Variants in ELF2 observed in about 807,000 individuals in gnomAD.
ELF2 encodes E74 like ETS transcription factor 2.
Under a neutral mutation model 54.8 loss-of-function variants are expected in ELF2, and 11 were observed. The ratio of observed to expected loss-of-function variants is 0.20; its 90% confidence interval spans 0.13 to 0.33. ELF2 has a LOEUF of 0.33. Among genes scored for constraint, ELF2 ranks in the 10% least tolerant of loss-of-function variants. The pLI is 1.00. For missense variants in ELF2, 513 were observed against 703.0 expected (o/e 0.73, Z 3.06); for synonymous variants, 203 against 245.1 (o/e 0.83, Z 1.61).
rs1727345834 is a variant in ELF2 at position 139,058,498 on chromosome 4, A to G, written c.*485T>C. The stretch of plus-strand genomic sequence containing the variant: ...TTTTGGGATCCATTCTTCAATTCAC[A>G]TTCTAAAATACCTATATTAGCAGAG... On this transcript the variant is annotated 3_prime_UTR_variant, in exon 10 of 10. Coordinates refer to ENST00000686138, the MANE Select transcript of ELF2 (RefSeq NM_001331036.3). 2 of 151,796 alleles carry G rather than the reference A, an allele frequency of 1.3e-5. No homozygotes were observed. The highest frequency in any genetic ancestry group is 6.6e-5 in the Admixed American group (1 of 15,174). The allele number at this position is 151,796 out of a possible 1,614,324, so 9.4% of individuals were successfully genotyped here. A position where few individuals can be genotyped will look rare whatever the true frequency, so the allele number is the denominator to read the frequency against.
chr4:139,081,083 T>A (rs1731047572), intron 4 of ELF2, among the ~76,000 whole-genome samples: 1 of 152,106 alleles, frequency 6.6e-6, no homozygotes, highest in Non-Finnish European at 1.5e-5. Context: ...CTAAAGATGT[T>A]AAGTCACTAG....
intron 4 of ELF2, among the ~76,000 whole-genome samples, chr4:139,123,479 G>C (rs954238782): frequency 2.0e-5 from 3 of 152,036 alleles, no homozygotes; most frequent in Non-Finnish European, 2.9e-5. Flanking sequence ...AATCCCTTAA[G>C]TAGATTACAT....
intron 1 of ELF2, among the ~76,000 whole-genome samples, chr4:139,167,830 A>C (rs1578982297): frequency 6.6e-6 from 1 of 152,348 alleles, no homozygotes; most frequent in East Asian, 1.9e-4. Flanking sequence ...ACTGCAAACC[A>C]GGATGAGAAG....
At chr4:139,135,628 G>A (rs1738073063) in intron 3 of ELF2, among the ~76,000 whole-genome samples, 1 of 152,088 alleles carries the variant, frequency 6.6e-6, no homozygotes, top group Non-Finnish European at 1.5e-5. Flanking sequence ...ATAGTTAAGT[G>A]GTGAATTAAT....
intron 4 of ELF2, among the ~76,000 whole-genome samples, chr4:139,104,995 G>GTGTT (rs1734275653): frequency 6.6e-6 from 1 of 152,152 alleles, no homozygotes; most frequent in Non-Finnish European, 1.5e-5. Context: ...TAGAAAGCAT[G>GTGTT]TGTTATTCAA....
intron 1 of ELF2, among the ~76,000 whole-genome samples, chr4:139,154,264 G>T (rs1311306993): frequency 6.6e-6 from 1 of 151,874 alleles, no homozygotes; most frequent in Non-Finnish European, 1.5e-5. Flanking sequence ...CCTGATGTTG[G>T]GCAGTTACTT....
intron 1 of ELF2, among the ~76,000 whole-genome samples, chr4:139,159,498 G>A (rs1348702790): frequency 1.3e-5 from 2 of 152,198 alleles, no homozygotes; most frequent in Non-Finnish European, 2.9e-5. Context: ...GTGGCCAGAT[G>A]AGAAGGAGAA....
At position 139,160,010 on chromosome 4, in the gene ELF2, G is replaced by A. The variant is rs530233879; in HGVS notation, c.-252+16957C>T. Among the ~76,000 whole-genome samples the A allele has an allele frequency of 5.9e-5, 9 of 152,298 alleles. No homozygotes were observed. The East Asian group carries it at 1.4e-3, about 23-fold the overall frequency. On this transcript the variant is annotated intron_variant, in intron 1 of 9. Transcript: ENST00000686138. Reference sequence around the variant, plus strand: ...GAGAGGTAGTGGAGGGGGGCGGAGCGGTAGCCTCAATGATAGATGTGGAAG... The same window carrying A: ...GAGAGGTAGTGGAGGGGGGCGGAGCAGTAGCCTCAATGATAGATGTGGAAG...
chr4:139,072,165 T>C, intron 5 of ELF2, 126 bp from the exon 6 acceptor site: 1 of 866,376 alleles, frequency 1.2e-6, no homozygotes, highest in South Asian at 1.8e-5. Flanking sequence ...AGCTTAATAC[T>C]GAAGAAGTTA....
intron 4 of ELF2, among the ~76,000 whole-genome samples, chr4:139,085,551 A>G (rs563026027): frequency 5.9e-5 from 9 of 152,340 alleles, no homozygotes; most frequent in African/African-American, 2.2e-4. Context: ...ATGGATTTAC[A>G]TAGCCCATGA....
intron 1 of ELF2, among the ~76,000 whole-genome samples, chr4:139,143,579 G>A (rs1431596977): frequency 1.3e-5 from 2 of 152,144 alleles, no homozygotes; most frequent in African/African-American, 2.4e-5. Flanking sequence ...GAGGTTAGGA[G>A]TTCAAGGCCA....
Position 139,072,286 on chromosome 4 carries a change from TCACTC to T in ELF2, c.353-252_353-248del. On this transcript the variant is annotated intron_variant, in intron 5 of 9. Transcript: ENST00000686138. The stretch of plus-strand genomic sequence containing the variant: ...TGGGTAAGGCAAGGATCATGAGTAG[TCACTC>T]CACTCTTTCACACTTATACTTTCAA... 2 of 391,140 alleles carry T rather than the reference TCACTC, an allele frequency of 5.1e-6. 1 individual carries two copies. The highest frequency in any genetic ancestry group is 6.6e-5 in the South Asian group (2 of 30,166). The allele number at this position is 391,140 out of a possible 1,614,324, so 24.2% of individuals were successfully genotyped here.
chr4:139,060,526 A>AT lies in ELF2; in HGVS notation c.954dup (p.Ser319IlefsTer39). ...GCAGACAGTGACACTCGTTCTAATG[A>AT]TTTTTCATCAGTAGTTCCTGCTAAA... On this transcript the variant is annotated frameshift_variant, in exon 9 of 10. Coordinates refer to ENST00000686138, the MANE Select transcript of ELF2 (RefSeq NM_001331036.3). LOFTEE classifies it high-confidence loss of function. The AT allele has an allele frequency of 6.2e-7, 1 of 1,614,114 alleles. No individual in the cohort carries two copies. The highest frequency in any genetic ancestry group is 8.5e-7 in the Non-Finnish European group (1 of 1,180,034).
intron 3 of ELF2, among the ~76,000 whole-genome samples, chr4:139,132,603 G>C (rs1344676775): frequency 4.6e-5 from 7 of 151,906 alleles, no homozygotes; most frequent in Admixed American, 6.6e-5. Flanking sequence ...ACATATTGCT[G>C]CATGTATCAA....
At chr4:139,133,164 G>A (rs1423840744) in intron 3 of ELF2, among the ~76,000 whole-genome samples, 2 of 151,928 alleles carry the variant, frequency 1.3e-5, no homozygotes, top group African/African-American at 2.4e-5. Context: ...CTCGTGATCC[G>A]CCCGCCTCGG....
intron 5 of ELF2, 106 bp from the exon 6 acceptor site, chr4:139,072,145 G>T: frequency 8.9e-7 from 1 of 1,124,384 alleles, no homozygotes; most frequent in Non-Finnish European, 1.3e-6. Flanking sequence ...ATTAATCAAA[G>T]CAGGATAAGA....
intron 4 of ELF2, among the ~76,000 whole-genome samples, chr4:139,076,183 T>C (rs902346956): frequency 1.8e-4 from 27 of 152,202 alleles, no homozygotes; most frequent in African/African-American, 6.3e-4. Context: ...CACAAGGTAC[T>C]GGGTCTCTCC....
At chr4:139,094,227 T>C (rs914029663) in intron 4 of ELF2, among the ~76,000 whole-genome samples, 5 of 151,978 alleles carry the variant, frequency 3.3e-5, no homozygotes, top group African/African-American at 9.7e-5. Context: ...GAAAAAGAAA[T>C]AAGATAACTG....
chr4:139,071,318 T>C (rs901311075), intron 6 of ELF2, among the ~76,000 whole-genome samples: 1 of 151,898 alleles, frequency 6.6e-6, no homozygotes, highest in African/African-American at 2.4e-5. Flanking sequence ...ATATATCATA[T>C]ATATATCACT....
Sources: gnomAD v4.1 joint callset for allele counts (sites outside exome capture counted in the v4.1 genomes callset) on GRCh38, gnomAD v4.1.1 for gene constraint, MANE v1.5 for transcripts, NCBI Gene and HGNC (gene_info 2026-07-23, HGNC 2026-07-21) for gene names.